Variants in BBS9 observed in about 807,000 individuals in gnomAD.
BBS9 encodes the protein Bardet-Biedl syndrome 9.
BBS9 carries 89 observed loss-of-function variants against 117.7 expected under a neutral mutation model. That is an observed-to-expected ratio of 0.76 (90% CI 0.64 to 0.90). BBS9 has a LOEUF of 0.90. Among genes scored for constraint, BBS9 ranks in the 40% least tolerant of loss-of-function variants. The pLI, the probability that BBS9 is intolerant of heterozygous loss-of-function variation, is 0.00. For missense variants in BBS9, 982 were observed against 1,042.2 expected, an observed-to-expected ratio of 0.94 and a Z score of 0.80; for synonymous variants, 379 against 370.9, an observed-to-expected ratio of 1.02 and a Z score of -0.25.
intron 9 of BBS9, among the ~76,000 whole-genome samples, chr7:33,297,623 G>A (rs1349401260): frequency 6.6e-6 from 1 of 152,052 alleles, no homozygotes; most frequent in East Asian, 1.9e-4. Flanking sequence ...CACCTTTTTT[G>A]TGGAGTGGGC....
intron 7 of BBS9, among the ~76,000 whole-genome samples, chr7:33,270,718 G>T (rs1043012522): frequency 6.6e-6 from 1 of 152,148 alleles, no homozygotes; most frequent in Non-Finnish European, 1.5e-5. Context: ...TATGTAAAGA[G>T]ACCAACTTTA....
At chr7:33,348,408 T>C (rs1818000653) in intron 12 of BBS9, among the ~76,000 whole-genome samples, 1 of 152,202 alleles carries the variant, frequency 6.6e-6, no homozygotes, top group Non-Finnish European at 1.5e-5. Flanking sequence ...CATAATGTAT[T>C]TCATTTCTTT....
At chr7:33,180,351 CT>C (rs70989938) in intron 5 of BBS9, among the ~76,000 whole-genome samples, 40,771 of 146,082 alleles carry the variant, frequency 0.28, 6,339 homozygotes, top group Admixed American at 0.43. Flanking sequence ...GTAAAATTGC[CT>C]TGCTGAGAAT....
chr7:33,475,756 G>A (rs1841713617), intron 19 of BBS9, among the ~76,000 whole-genome samples: 1 of 152,188 alleles, frequency 6.6e-6, no homozygotes, highest in East Asian at 1.9e-4. Flanking sequence ...AGCATTTGGG[G>A]AAGGAGTGTA....
At chr7:33,405,959 C>T (rs113678279) in intron 19 of BBS9, among the ~76,000 whole-genome samples, 1 of 77,088 alleles carries the variant, frequency 1.3e-5, no homozygotes, top group Non-Finnish European at 2.8e-5. Flanking sequence ...TTGGATCTTT[C>T]CTGCTTTCTC....
chr7:33,484,442 T>C (rs990729122), intron 19 of BBS9, among the ~76,000 whole-genome samples: 7 of 152,208 alleles, frequency 4.6e-5, no homozygotes, highest in Non-Finnish European at 8.8e-5. Context: ...CATACTTATT[T>C]TTCTTGTTGT....
intron 1 of BBS9, among the ~76,000 whole-genome samples, chr7:33,135,621 C>T (rs75567337): frequency 0.013 from 1,971 of 152,232 alleles, 45 homozygotes; most frequent in African/African-American, 0.044. Flanking sequence ...AGTTCTCTAC[C>T]TTTGTTCTTT....
intron 5 of BBS9, among the ~76,000 whole-genome samples, chr7:33,190,645 A>G (rs1783973086): frequency 6.6e-6 from 1 of 152,142 alleles, no homozygotes; most frequent in African/African-American, 2.4e-5. Flanking sequence ...TGATGGCTAT[A>G]GCAGCTTTAA....
chr7:33,255,484 AC>A (rs1184068031), intron 5 of BBS9, among the ~76,000 whole-genome samples: 1 of 151,774 alleles, frequency 6.6e-6, no homozygotes, highest in African/African-American at 2.4e-5. Context: ...ATACAAATAT[AC>A]TCATTTTACA....
intron 1 of BBS9, among the ~76,000 whole-genome samples, chr7:33,140,052 G>A (rs1398794605): frequency 4.0e-5 from 6 of 151,862 alleles, no homozygotes; most frequent in Non-Finnish European, 8.8e-5. Flanking sequence ...TGGAGATGGA[G>A]TCTCACTCTG....
intron 21 of BBS9, among the ~76,000 whole-genome samples, chr7:33,600,753 G>T (rs1000337050): frequency 2.0e-5 from 3 of 152,074 alleles, no homozygotes; most frequent in Non-Finnish European, 4.4e-5. Flanking sequence ...GGCTCACTAT[G>T]GCTAAGGCTG....
intron 21 of BBS9, among the ~76,000 whole-genome samples, chr7:33,597,252 CA>C (rs200048787): frequency 0.017 from 2,639 of 151,652 alleles, 35 homozygotes; most frequent in Non-Finnish European, 0.029. Flanking sequence ...AATGAAATCT[CA>C]AAAAAACACT....
At chr7:33,409,645 T>A (rs1351021414) in intron 19 of BBS9, among the ~76,000 whole-genome samples, 1 of 152,218 alleles carries the variant, frequency 6.6e-6, no homozygotes, top group African/African-American at 2.4e-5. Context: ...AGGATTCTGT[T>A]TCTTTACATC....
intron 21 of BBS9, among the ~76,000 whole-genome samples, chr7:33,555,950 C>G (rs1855223382): frequency 6.6e-6 from 1 of 152,160 alleles, no homozygotes; most frequent in Non-Finnish European, 1.5e-5. Flanking sequence ...CTGTGTTTCT[C>G]TAATTGCTAT....
chr7:33,405,466 T>C (rs1829757135), intron 19 of BBS9, among the ~76,000 whole-genome samples: 1 of 152,196 alleles, frequency 6.6e-6, no homozygotes, highest in Non-Finnish European at 1.5e-5. Flanking sequence ...TGTGAATCCA[T>C]CTGGTCGTGG....
intron 21 of BBS9, among the ~76,000 whole-genome samples, chr7:33,554,073 C>T (rs73109648): frequency 1.8e-4 from 27 of 151,764 alleles, no homozygotes; most frequent in Non-Finnish European, 2.5e-4. Context: ...AGTTAAAGGC[C>T]GGGAGGGGAG....
chr7:33,176,109 G>A (rs1252459355), intron 4 of BBS9, among the ~76,000 whole-genome samples: 1 of 152,134 alleles, frequency 6.6e-6, no homozygotes, highest in Non-Finnish European at 1.5e-5. Context: ...TATAAATGGA[G>A]ATTTCTTTTT....
chr7:33,535,954 C>A lies in BBS9; in HGVS notation c.2521+1778C>A, dbSNP rs560388928. Among the ~76,000 whole-genome samples, 299 of 151,830 alleles carry A rather than the reference C, an allele frequency of 2.0e-3. 2 individuals carry two copies. The highest frequency in any genetic ancestry group is 6.9e-3 in the African/African-American group (287 of 41,372). ...GGGATCCTCAAATCCCTGTCTTAGT[C>A]GTTTTTGTTTAAATAACTAGATTTG... On this transcript the variant is annotated intron_variant, in intron 21 of 22. Transcript: ENST00000242067.
At chr7:33,224,835 G>A (rs548472709) in intron 5 of BBS9, among the ~76,000 whole-genome samples, 1 of 152,304 alleles carries the variant, frequency 6.6e-6, no homozygotes, top group South Asian at 2.1e-4. Flanking sequence ...CTTATGTGAG[G>A]AGGCACATGC....
Sources: gnomAD v4.1 joint callset for allele counts (sites outside exome capture counted in the v4.1 genomes callset) on GRCh38, gnomAD v4.1.1 for gene constraint, MANE v1.5 for transcripts, NCBI Gene and HGNC (gene_info 2026-07-23, HGNC 2026-07-21) for gene names.